WRAP73: variants seen among roughly 807,000 people sequenced by gnomAD.
The protein encoded by WRAP73 is WD repeat-containing protein WRAP73.
A neutral mutation model predicts 59.6 loss-of-function variants in WRAP73; 55 were observed. That is an observed-to-expected ratio of 0.92 (90% confidence interval 0.74 to 1.15). WRAP73 has a LOEUF of 1.15. WRAP73 is among the 50% of genes most tolerant of loss of function. WRAP73 has a pLI of 0.00. For synonymous variants in WRAP73, 265 were observed against 258.2 expected (o/e 1.03, Z -0.25); for missense variants, 592 against 608.1 (o/e 0.97, Z 0.28).
chr1:3,645,356 T>C (rs12046309), intron 3 of WRAP73, among the ~76,000 whole-genome samples: 4,375 of 94,876 alleles, frequency 0.046, 182 homozygotes, highest in East Asian at 0.26. Context: ...CGCAGCGGGA[T>C]GGGCGGGTTG....
intron 3 of WRAP73, among the ~76,000 whole-genome samples, chr1:3,643,505 C>T (rs371856340): frequency 3.3e-5 from 5 of 152,258 alleles, no homozygotes; most frequent in African/African-American, 9.6e-5. Context: ...AGGGACGTCT[C>T]CCATGCTCCA....
At position 3,650,004 on chromosome 1, in the gene WRAP73, G is replaced by C; in HGVS notation, c.-5C>G. ...GAATACCTCGGAGAAGTTCATGGCC[G>C]CCGCCTGCCGCGGGCGCCACCCTGC... On this transcript the variant is annotated 5_prime_UTR_variant, in exon 1 of 12. Coordinates refer to ENST00000270708, the MANE Select transcript of WRAP73 (RefSeq NM_017818.4). The C allele has an allele frequency of 6.3e-7, 1 of 1,583,452 alleles. No homozygotes were observed. The highest frequency in any genetic ancestry group is 8.6e-7 in the Non-Finnish European group (1 of 1,167,542).
Position 3,650,089 on chromosome 1 carries a change from C to G in WRAP73, c.-90G>C. 7.4e-7 allele frequency: 1 copy of G among 1,359,804 alleles called. No homozygotes were observed. The highest frequency in any genetic ancestry group is 9.9e-7 in the Non-Finnish European group (1 of 1,014,662). 84.2% of individuals were successfully genotyped at this position (1,359,804 alleles called of 1,614,324 possible). On this transcript the variant is annotated 5_prime_UTR_variant, in exon 1 of 12. Coordinates refer to ENST00000270708, the MANE Select transcript of WRAP73 (RefSeq NM_017818.4). ...AGGCTGCAACAGCCGACGCCGGCCT[C>G]CGAGGCCGGAAGTCAGAAGGCGGAA...
chr1:3,648,261 C>T (rs1047498339), intron 1 of WRAP73, among the ~76,000 whole-genome samples: 3 of 152,206 alleles, frequency 2.0e-5, no homozygotes, highest in Non-Finnish European at 4.4e-5. Flanking sequence ...GTAAAAATAA[C>T]GCCTGAGTAC....
intron 4 of WRAP73, among the ~76,000 whole-genome samples, chr1:3,637,682 A>G (rs1644601117): frequency 6.6e-6 from 1 of 152,112 alleles, no homozygotes; most frequent in Non-Finnish European, 1.5e-5. Context: ...TCTCTACAAA[A>G]TATCAGCCGG....
At chr1:3,642,565 C>T (rs952583319) in intron 3 of WRAP73, among the ~76,000 whole-genome samples, 3 of 151,988 alleles carry the variant, frequency 2.0e-5, no homozygotes, top group Non-Finnish European at 4.4e-5. Context: ...ATGAGAAACC[C>T]CATCTCTACT....
intron 6 of WRAP73, chr1:3,635,661 G>A: frequency 6.2e-6 from 3 of 480,902 alleles, no homozygotes; most frequent in Non-Finnish European, 1.1e-5. Flanking sequence ...TCTCTACAAA[G>A]AATACAAAAA....
At chr1:3,641,378 C>T (rs866276664) in intron 3 of WRAP73, among the ~76,000 whole-genome samples, 3 of 152,024 alleles carry the variant, frequency 2.0e-5, no homozygotes, top group Admixed American at 6.6e-5. Context: ...ATCCATGCCA[C>T]GACCCAGCAC....
Position 3,646,559 on chromosome 1 carries a change from G to A in WRAP73, c.339+107C>T, listed in dbSNP as rs979191326. The A allele has an allele frequency of 1.8e-5, 15 of 821,718 alleles. No individual in the cohort carries two copies. Among genetic ancestry groups the A allele is most frequent in the Non-Finnish European group, 2.9e-5 (15 of 518,936 alleles). The allele number at this position is 821,718 out of a possible 1,614,324, so 50.9% of individuals were successfully genotyped here. A position where few individuals can be genotyped will look rare whatever the true frequency, so the allele number is the denominator to read the frequency against. On this transcript the variant is annotated intron_variant, in intron 3 of 11. Coordinates refer to ENST00000270708, the MANE Select transcript of WRAP73 (RefSeq NM_017818.4). This position sits in a 1 kb window ranked among gnomAD's most constrained non-coding sequence, Gnocchi z 5.1. ...TTAGAATGCATCCCCTGAGGATAAG[G>A]GGAGACTAGCATACTCCAAACACAC...
intron 3 of WRAP73, among the ~76,000 whole-genome samples, chr1:3,644,555 G>C (rs1248901608): frequency 6.6e-6 from 1 of 152,230 alleles, no homozygotes; most frequent in Non-Finnish European, 1.5e-5. Context: ...AACCATTAAA[G>C]TTCGCATGCA....
intron 3 of WRAP73, among the ~76,000 whole-genome samples, chr1:3,645,506 G>A (rs1291610839): frequency 6.7e-6 from 1 of 149,478 alleles, no homozygotes; most frequent in Non-Finnish European, 1.5e-5. Context: ...GGCGCAGCGG[G>A]ATGGGCGGGT....
chr1:3,633,327 G>A lies in WRAP73; in HGVS notation c.922+71C>T, dbSNP rs199628263. The A allele has an allele frequency of 8.3e-4, 1,173 of 1,413,520 alleles. 4 individuals are homozygous for A. The highest frequency in any genetic ancestry group is 4.2e-3 in the African/African-American group (299 of 70,362). The allele number at this position is 1,413,520 out of a possible 1,614,324, so 87.6% of individuals were successfully genotyped here. A position where few individuals can be genotyped will look rare whatever the true frequency, so the allele number is the denominator to read the frequency against. ...TTTTTTTTAAACATAAGGAACATCCGAAGTTTATCTGGACAACGAGGAATC... is the reference window on the plus strand; with the variant it reads ...TTTTTTTTAAACATAAGGAACATCCAAAGTTTATCTGGACAACGAGGAATC... On this transcript the variant is annotated intron_variant, in intron 9 of 11. Coordinates refer to ENST00000270708, the MANE Select transcript of WRAP73 (RefSeq NM_017818.4).
In WRAP73 at chr1:3,635,843, A is replaced by T. The variant is rs1177933390; in HGVS notation, c.603+101T>A. 5 of 1,024,934 alleles carry T rather than the reference A, an allele frequency of 4.9e-6. No individual in the cohort carries two copies. The Admixed American group carries it at 6.3e-5, about 13-fold the overall frequency. 63.5% of individuals were successfully genotyped at this position (1,024,934 alleles called of 1,614,324 possible). ...CTTTTAAAACAAAGCTCAACTTGTTATCTGAAATAAGATAAAGCAAACTAT... is the reference window on the plus strand; with the variant it reads ...CTTTTAAAACAAAGCTCAACTTGTTTTCTGAAATAAGATAAAGCAAACTAT... On this transcript the variant is annotated intron_variant, in intron 6 of 11. Coordinates refer to ENST00000270708, the MANE Select transcript of WRAP73 (RefSeq NM_017818.4).
At chr1:3,642,505 G>A (rs961557015) in intron 3 of WRAP73, among the ~76,000 whole-genome samples, 4 of 152,026 alleles carry the variant, frequency 2.6e-5, no homozygotes, top group East Asian at 3.9e-4. Context: ...TTGGGAGGCC[G>A]AGGCAGGCAG....
chr1:3,640,563 G>A (rs78970192), intron 3 of WRAP73, among the ~76,000 whole-genome samples: 18 of 32,978 alleles, frequency 5.5e-4, no homozygotes, highest in Admixed American at 3.9e-3. Flanking sequence ...TGCAGCGCCC[G>A]AGGCTCTGAG....
At chr1:3,649,147 G>A (rs1026712005) in intron 1 of WRAP73, among the ~76,000 whole-genome samples, 5 of 152,134 alleles carry the variant, frequency 3.3e-5, no homozygotes, top group Admixed American at 6.5e-5. Flanking sequence ...TAGGCATCCG[G>A]GTTATCCCTC....
intron 3 of WRAP73, among the ~76,000 whole-genome samples, chr1:3,642,017 C>T (rs917748138): frequency 4.6e-5 from 7 of 152,200 alleles, no homozygotes; most frequent in African/African-American, 9.7e-5. Context: ...TCATGGGAAC[C>T]GCTTCACTAG....
In WRAP73 at chr1:3,646,873, G is replaced by C; in HGVS notation, c.223-91C>G. Reference sequence around the variant, plus strand: ...GCTCGCTTAAACGCAGCGGAGACCCGACCGCACAGGGTGTCTTCAAACTCA... The same window carrying C: ...GCTCGCTTAAACGCAGCGGAGACCCCACCGCACAGGGTGTCTTCAAACTCA... On this transcript the variant is annotated intron_variant, in intron 2 of 11. Coordinates refer to ENST00000270708, the MANE Select transcript of WRAP73 (RefSeq NM_017818.4). This position sits in a 1 kb window ranked among gnomAD's most constrained non-coding sequence, Gnocchi z 5.1. 9.4e-7 allele frequency: 1 copy of C among 1,062,052 alleles called. No individual in the cohort carries two copies. Among genetic ancestry groups the C allele is most frequent in the Non-Finnish European group, 1.4e-6 (1 of 706,172 alleles). 65.8% of individuals were successfully genotyped at this position (1,062,052 alleles called of 1,614,324 possible).
rs144781487 is a variant in WRAP73, at chr1:3,649,174, A to G, written c.69+757T>C. Among the ~76,000 whole-genome samples the G allele has an allele frequency of 3.8e-3, 572 of 152,326 alleles. 4 individuals carry two copies. Among genetic ancestry groups the G allele is most frequent in the African/African-American group, 0.013 (545 of 41,564 alleles). On this transcript the variant is annotated intron_variant, in intron 1 of 11. Transcript: ENST00000270708. ...TTATCCCTCTCTTCTGAGGATATAC[A>G]CTACTAGGCATCCAGGTACATACAC...
Sources: allele counts gnomAD v4.1 joint callset (sites outside exome capture counted in the v4.1 genomes callset), GRCh38; gene constraint gnomAD v4.1.1; non-coding constraint Gnocchi (gnomAD v3.1); transcripts MANE v1.5; gene names NCBI Gene and HGNC (gene_info 2026-07-23, HGNC 2026-07-21).